LMBR1: variants seen among roughly 807,000 people sequenced by gnomAD.
LMBR1 encodes limb region 1 protein homolog.
A neutral mutation model predicts 73.9 loss-of-function variants in LMBR1; 52 were observed. The observed-to-expected ratio is 0.70, with a 90% CI of 0.56 to 0.89. The LOEUF (loss-of-function observed/expected upper bound fraction) is 0.89. LMBR1 is among the 40% of genes least tolerant of loss of function. The pLI is 0.00. For missense variants in LMBR1, 539 were observed against 579.8 expected (o/e 0.93, Z 0.72); for synonymous variants, 215 against 209.4 (o/e 1.03, Z -0.23).
intron 9 of LMBR1, among the ~76,000 whole-genome samples, chr7:156,752,590 G>T (rs559162891): frequency 6.6e-6 from 1 of 152,202 alleles, no homozygotes; most frequent in Non-Finnish European, 1.5e-5. Context: ...CTGCAGGGAG[G>T]AGGGTTGGCA....
intron 5 of LMBR1, among the ~76,000 whole-genome samples, chr7:156,772,817 C>T (rs561365368): frequency 5.8e-4 from 85 of 147,082 alleles, no homozygotes; most frequent in Non-Finnish European, 8.9e-4. Context: ...CACTGCACTT[C>T]GGCCTGGACG....
At chr7:156,676,564 C>A (rs1804092887), downstream of LMBR1, 1 of 1,614,096 alleles carries the variant, frequency 6.2e-7, no homozygotes, top group Non-Finnish European at 8.5e-7. Flanking sequence ...TGTCTGCTGG[C>A]ACTAGAGGAG....
rs993606759 is a variant in LMBR1, at chr7:156,744,046, GATGA to G, written c.758-9793_758-9790del. ...CGAACAAATGAGGGAATGCATAACA[GATGA>G]ATGACATCTTTGGGAATATATGAAT... On this transcript the variant is annotated intron_variant, in intron 9 of 16. Transcript: ENST00000353442. Among the ~76,000 whole-genome samples the G allele has an allele frequency of 5.3e-5, 8 of 152,220 alleles. No individual in the cohort carries two copies. In the South Asian group the frequency reaches 8.3e-4, roughly 16 times the overall value.
At chr7:156,762,254 G>T in intron 7 of LMBR1, 56 bp from the exon 8 acceptor site, 1 of 1,088,480 alleles carries the variant, frequency 9.2e-7, no homozygotes, top group African/African-American at 1.6e-5. Context: ...CTTGGAGAAA[G>T]AGATAAACAA....
chr7:156,750,021 TGATAC>T (rs1314928519), intron 9 of LMBR1, among the ~76,000 whole-genome samples: 2 of 152,096 alleles, frequency 1.3e-5, no homozygotes, highest in African/African-American at 4.8e-5. Flanking sequence ...CCATAAGAAA[TGATAC>T]ACTAACTTTT....
chr7:156,746,787 C>T (rs373824739), intron 9 of LMBR1, among the ~76,000 whole-genome samples: 1 of 152,050 alleles, frequency 6.6e-6, no homozygotes, highest in Non-Finnish European at 1.5e-5. Flanking sequence ...CAATGACTAT[C>T]GTAAGAAATT....
intron 7 of LMBR1, 63 bp from the exon 8 acceptor site, chr7:156,762,261 A>T: frequency 1.0e-6 from 1 of 952,840 alleles, no homozygotes. Context: ...AAAGAGATAA[A>T]CAACTAGACT....
chr7:156,764,747 T>C (rs1216342924), intron 5 of LMBR1, among the ~76,000 whole-genome samples: 1 of 152,204 alleles, frequency 6.6e-6, no homozygotes, highest in Non-Finnish European at 1.5e-5. Context: ...TAAGTATTAC[T>C]TTCTAGTTTC....
At chr7:156,756,202 T>C (rs1821840715) in intron 9 of LMBR1, among the ~76,000 whole-genome samples, 191 bp downstream of exon 9, 1 of 152,206 alleles carries the variant, frequency 6.6e-6, no homozygotes, top group African/African-American at 2.4e-5. Flanking sequence ...CCTGCTAGGT[T>C]ACAGCTCATC....
chr7:156,884,924 A>G (rs1397148430), intron 1 of LMBR1, among the ~76,000 whole-genome samples: 1 of 152,260 alleles, frequency 6.6e-6, no homozygotes, highest in Non-Finnish European at 1.5e-5. Context: ...GCAAGACACC[A>G]GTAGAAAACA....
intron 1 of LMBR1, among the ~76,000 whole-genome samples, chr7:156,852,406 C>T (rs1270320439): frequency 2.0e-5 from 3 of 151,950 alleles, no homozygotes; most frequent in Non-Finnish European, 2.9e-5. Flanking sequence ...TGGATAGGAG[C>T]CTTATTCTTC....
At chr7:156,780,485 C>T (rs1826938185) in intron 5 of LMBR1, among the ~76,000 whole-genome samples, 1 of 152,070 alleles carries the variant, frequency 6.6e-6, no homozygotes, top group South Asian at 2.1e-4. Flanking sequence ...AACTAGATAT[C>T]AAAATTTTTA....
chr7:156,678,038 G>C lies in LMBR1; in HGVS notation c.*6040C>G, dbSNP rs969025623. 6.6e-6 allele frequency: 1 copy of C among 152,242 alleles called. No individual in the cohort carries two copies. The highest frequency in any genetic ancestry group is 6.5e-5 in the Admixed American group (1 of 15,280). The allele number at this position is 152,242 out of a possible 1,614,324, so 9.4% of individuals were successfully genotyped here. On this transcript the variant is annotated 3_prime_UTR_variant, in exon 17 of 17. Transcript: ENST00000353442. ...AGAAGGAGAGTCCCGGAGATACATG[G>C]ATCATTCAGTGATGGGAAGAGCCCA...
Position 156,842,521 on chromosome 7 carries a change from T to G in LMBR1, c.67-5636A>C, listed in dbSNP as rs535175614. On this transcript the variant is annotated intron_variant, in intron 1 of 16. Coordinates refer to ENST00000353442, the MANE Select transcript of LMBR1 (RefSeq NM_022458.4). ...GTACAATGCCTGGGAAAGGGAGAGA[T>G]AAGGCTCACTAGCCTCAGAAAGAAA... 3.3e-5 allele frequency among the ~76,000 whole-genome samples: 5 copies of G among 152,294 alleles called. No individual in the cohort carries two copies. The East Asian group carries it at 7.7e-4, about 24-fold the overall frequency.
intron 1 of LMBR1, chr7:156,892,509 G>T (rs1195653555): frequency 6.4e-6 from 1 of 155,406 alleles, no homozygotes; most frequent in Admixed American, 6.5e-5. Context: ...CACTGGCGGG[G>T]CCGCCGTCCA....
At chr7:156,796,878 C>T (rs1563382096) in intron 4 of LMBR1, among the ~76,000 whole-genome samples, 1 of 152,124 alleles carries the variant, frequency 6.6e-6, no homozygotes, top group East Asian at 1.9e-4. Flanking sequence ...TGCATAATCC[C>T]ATTTAATTTA....
At chr7:156,830,282 A>G (rs1836447328) in intron 3 of LMBR1, among the ~76,000 whole-genome samples, 1 of 152,192 alleles carries the variant, frequency 6.6e-6, no homozygotes, top group African/African-American at 2.4e-5. Context: ...TCACCTTTTT[A>G]AAACTCCACT....
At chr7:156,857,673 T>A (rs1173249840) in intron 1 of LMBR1, among the ~76,000 whole-genome samples, 12 of 152,306 alleles carry the variant, frequency 7.9e-5, no homozygotes, top group Admixed American at 7.8e-4. Context: ...CAAGCTCACG[T>A]GAAAACACTC....
intron 9 of LMBR1, among the ~76,000 whole-genome samples, chr7:156,740,691 C>A (rs1818718797): frequency 6.6e-6 from 1 of 152,058 alleles, no homozygotes; most frequent in African/African-American, 2.4e-5. Context: ...CTTTCCCAGA[C>A]AAACAAAAGC....
Sources: gnomAD v4.1 joint callset for allele counts (sites outside exome capture counted in the v4.1 genomes callset) on GRCh38, gnomAD v4.1.1 for gene constraint, MANE v1.5 for transcripts, NCBI Gene and HGNC (gene_info 2026-07-23, HGNC 2026-07-21) for gene names.